Variants in ASB5 observed in about 807,000 individuals in gnomAD.
ASB5 encodes the protein ankyrin repeat and SOCS box protein 5.
A neutral mutation model predicts 42.1 loss-of-function variants in ASB5; 45 were observed. That is an observed-to-expected ratio of 1.07 (90% CI 0.84 to 1.37). The LOEUF is 1.37. Among genes scored for constraint, ASB5 ranks in the 40% most tolerant of loss-of-function variants. The pLI, the probability that ASB5 is intolerant of heterozygous loss-of-function variation, is 0.00. For missense variants in ASB5, 402 were observed against 399.8 expected (o/e 1.01, Z -0.05); for synonymous variants, 147 against 150.6 (o/e 0.98, Z 0.18).
chr4:176,268,980 T>A lies in ASB5; in HGVS notation c.129A>T (p.Ile43=), dbSNP rs1247271537. Residue 43 remains isoleucine, a synonymous_variant, in exon 1 of 7, where the codon ATA becomes ATT. Coordinates refer to ENST00000296525, the MANE Select transcript of ASB5 (RefSeq NM_080874.4). ...ISLAILSHFY[I]VKGNRKEAAR... ...CCGCTTCCTTGCGGTTGCCTTTCAC[T>A]ATGTAGAAATGACTGAGGATGGCAA... The A allele has an allele frequency of 1.2e-6, 2 of 1,613,280 alleles. No individual in the cohort carries two copies. The highest frequency in any genetic ancestry group is 2.2e-5 in the South Asian group (2 of 90,972).
chr4:176,270,631 C>A (rs535648904), upstream of ASB5, among the ~76,000 whole-genome samples: 4 of 152,258 alleles, frequency 2.6e-5, no homozygotes, highest in South Asian at 8.3e-4. Flanking sequence ...ACTGGCTAGG[C>A]AGACATTAAT....
chr4:176,268,170 G>C lies in ASB5; in HGVS notation c.196+743C>G, dbSNP rs12645180. ...AGTCATTTTTATTTTTTAGAGTACC[G>C]ACCCAATAGAACCTAAATGGTTTTA... is the stretch of plus-strand genomic sequence containing the variant. On this transcript the variant is annotated intron_variant, in intron 1 of 6. Coordinates refer to ENST00000296525, the MANE Select transcript of ASB5 (RefSeq NM_080874.4). Among the ~76,000 whole-genome samples, 3 of 151,880 alleles carry C rather than the reference G, an allele frequency of 2.0e-5. No homozygotes were observed. In the East Asian group the frequency reaches 5.8e-4, roughly 29 times the overall value.
Position 176,224,165 on chromosome 4 carries a change from T to C in ASB5, c.276+1097A>G, listed in dbSNP as rs569852170. ...TTCGTAGCCATCTGAGAATGTTCTT[T>C]CTCCTTGAGACTGGGAAACAGTAGC... On this transcript the variant is annotated intron_variant, in intron 2 of 6. Transcript: ENST00000296525. Among the ~76,000 whole-genome samples the C allele has an allele frequency of 2.6e-5, 4 of 151,962 alleles. No homozygotes were observed. The East Asian group carries it at 7.8e-4, about 29-fold the overall frequency.
At chr4:176,229,546 A>G (rs1324379548) in intron 1 of ASB5, among the ~76,000 whole-genome samples, 1 of 152,168 alleles carries the variant, frequency 6.6e-6, no homozygotes, top group Non-Finnish European at 1.5e-5. Context: ...AGGCCACATA[A>G]GGGACAAAAT....
upstream of ASB5, among the ~76,000 whole-genome samples, chr4:176,270,973 C>T (rs1012133061): frequency 6.6e-6 from 1 of 152,210 alleles, no homozygotes; most frequent in Non-Finnish European, 1.5e-5. Context: ...CCAGTAAGTG[C>T]TATCATAAAT....
chr4:176,220,893 G>A (rs1303429905), intron 5 of ASB5, among the ~76,000 whole-genome samples: 1 of 152,112 alleles, frequency 6.6e-6, no homozygotes, highest in African/African-American at 2.4e-5. Flanking sequence ...ATACCCAAAT[G>A]TCTGCTAATG....
chr4:176,227,067 A>C (rs769556429), intron 1 of ASB5, among the ~76,000 whole-genome samples: 4 of 152,248 alleles, frequency 2.6e-5, no homozygotes, highest in African/African-American at 2.4e-5. Context: ...ACCAAAAGGC[A>C]AAACAAAGAA....
intron 1 of ASB5, among the ~76,000 whole-genome samples, chr4:176,246,709 A>G (rs901712849): frequency 6.6e-6 from 1 of 152,266 alleles, no homozygotes; most frequent in East Asian, 1.9e-4. Context: ...GGGTAGCTAC[A>G]AAAACAAAAC....
intron 1 of ASB5, among the ~76,000 whole-genome samples, chr4:176,259,164 A>G (rs922158801): frequency 6.6e-6 from 1 of 152,120 alleles, no homozygotes; most frequent in African/African-American, 2.4e-5. Flanking sequence ...TGGAGTTACA[A>G]TGAAGTATTT....
intron 1 of ASB5, among the ~76,000 whole-genome samples, 154 bp from the exon 2 acceptor site, chr4:176,225,495 T>C (rs1272642681): frequency 7.2e-5 from 11 of 152,216 alleles, no homozygotes; most frequent in Admixed American, 7.2e-4. Flanking sequence ...TTAGGAAATT[T>C]GACTCTTATT....
chr4:176,239,182 A>C (rs1194671543), intron 1 of ASB5, among the ~76,000 whole-genome samples: 1 of 152,192 alleles, frequency 6.6e-6, no homozygotes, highest in African/African-American at 2.4e-5. Context: ...ATTTACATGA[A>C]GCAATTGTCA....
Position 176,221,480 on chromosome 4 carries a change from G to A in ASB5, c.505C>T (p.Pro169Ser), listed in dbSNP as rs866689789. 1.9e-6 allele frequency: 3 copies of A among 1,613,990 alleles called. No individual in the cohort carries two copies. Among genetic ancestry groups the A allele is most frequent in the South Asian group, 1.1e-5 (1 of 91,072 alleles). Residue 169 changes from proline (P) to serine (S), a missense_variant, in exon 4 of 7, where the codon CCA becomes TCA. Coordinates refer to ENST00000296525, the MANE Select transcript of ASB5 (RefSeq NM_080874.4). ...GAKAQLESCL[P>S]SPTHEAASKG... The stretch of plus-strand genomic sequence containing the variant: ...CTGGCGGCCTCATGCGTTGGGGATG[G>A]AAGACATGACTCCAGCTGGGCTTTG...
chr4:176,263,897 G>GA (rs1030764138), intron 1 of ASB5, among the ~76,000 whole-genome samples: 2 of 151,662 alleles, frequency 1.3e-5, no homozygotes, highest in East Asian at 3.9e-4. Context: ...TATTAATGGA[G>GA]AAAAAAAAGA....
At chr4:176,218,909 A>AAT (rs573223170) in intron 5 of ASB5, among the ~76,000 whole-genome samples, 2 of 47,906 alleles carry the variant, frequency 4.2e-5, no homozygotes, top group Non-Finnish European at 7.3e-5. Context: ...ATGATATATA[A>AAT]ATATATATAT....
chr4:176,259,497 G>A (rs1024390716), intron 1 of ASB5, among the ~76,000 whole-genome samples: 11 of 152,178 alleles, frequency 7.2e-5, no homozygotes, highest in African/African-American at 2.7e-4. Context: ...CAAAGTCACC[G>A]CTGTTTCCAT....
chr4:176,258,949 G>A (rs1167202579), intron 1 of ASB5, among the ~76,000 whole-genome samples: 1 of 152,050 alleles, frequency 6.6e-6, no homozygotes, highest in Non-Finnish European at 1.5e-5. Flanking sequence ...ATTGTTTTGG[G>A]ACTTAATGTT....
At chr4:176,237,987 C>A (rs879833414) in intron 1 of ASB5, among the ~76,000 whole-genome samples, 1 of 152,014 alleles carries the variant, frequency 6.6e-6, no homozygotes, top group Non-Finnish European at 1.5e-5. Context: ...CTTGGGAGGC[C>A]GAGGCAGGCA....
chr4:176,273,460 G>GA (rs952821566), upstream of ASB5, among the ~76,000 whole-genome samples: 10 of 150,026 alleles, frequency 6.7e-5, no homozygotes, highest in South Asian at 2.1e-4. Flanking sequence ...AATCTCGTGA[G>GA]AAAAAAAAAT....
chr4:176,228,032 T>G (rs747756564), intron 1 of ASB5, among the ~76,000 whole-genome samples: 1 of 152,210 alleles, frequency 6.6e-6, no homozygotes, highest in Non-Finnish European at 1.5e-5. Context: ...ATAGCAATAG[T>G]GCAGGAATGT....
Sources: gnomAD v4.1 joint callset for allele counts (sites outside exome capture counted in the v4.1 genomes callset) on GRCh38, gnomAD v4.1.1 for gene constraint, MANE v1.5 for transcripts, NCBI Gene and HGNC (gene_info 2026-07-23, HGNC 2026-07-21) for gene names.